The following FGF1 variants were observed in gnomAD, a reference collection of about 807,000 sequenced individuals.
FGF1 encodes the protein beta-endothelial cell growth factor.
FGF1 carries 9 observed loss-of-function variants against 13.4 expected under a neutral mutation model. The observed-to-expected ratio is 0.67, with a 90% CI of 0.40 to 1.17. The LOEUF (loss-of-function observed/expected upper bound fraction) is 1.17. Among genes scored for constraint, FGF1 ranks in the 50% most tolerant of loss-of-function variants. The probability of loss-of-function intolerance (pLI) is 0.01; values close to 1 mark genes in which losing one functional copy is unlikely to be tolerated. For synonymous variants in FGF1, 93 were observed against 79.0 expected (o/e 1.18, Z -0.94); for missense variants, 156 against 192.7 (o/e 0.81, Z 1.13).
At chr5:142,691,866 TG>T (rs1381912205) in intron 2 of FGF1, among the ~76,000 whole-genome samples, 1 of 152,236 alleles carries the variant, frequency 6.6e-6, no homozygotes, top group Non-Finnish European at 1.5e-5. Flanking sequence ...ACATAGGATC[TG>T]CCACCTTCTT....
intron 1 of FGF1, among the ~76,000 whole-genome samples, chr5:142,661,813 C>A (rs1769281602): frequency 6.6e-6 from 1 of 152,082 alleles, no homozygotes; most frequent in African/African-American, 2.4e-5. Context: ...ACCATCCTGG[C>A]TAACACGATG....
chr5:142,670,785 C>T (rs995950578), intron 1 of FGF1, among the ~76,000 whole-genome samples: 11 of 152,202 alleles, frequency 7.2e-5, no homozygotes, highest in African/African-American at 1.9e-4. Flanking sequence ...ATTAATGTCT[C>T]GGCCCGATGT....
intron 1 of FGF1, among the ~76,000 whole-genome samples, chr5:142,645,272 G>A (rs757292904): frequency 6.6e-6 from 1 of 152,228 alleles, no homozygotes; most frequent in Non-Finnish European, 1.5e-5. Flanking sequence ...AGCCCTGGCA[G>A]ACGGCTCAGT....
chr5:142,616,231 G>T (rs1760205185), intron 1 of FGF1, among the ~76,000 whole-genome samples: 1 of 152,158 alleles, frequency 6.6e-6, no homozygotes, highest in South Asian at 2.1e-4. Flanking sequence ...GCCTCCATCT[G>T]TTTTCTCTGC....
chr5:142,627,195 T>G (rs1374452965), intron 1 of FGF1: 1 of 152,214 alleles, frequency 6.6e-6, no homozygotes, highest in Non-Finnish European at 1.5e-5. Flanking sequence ...TCTGGATAGC[T>G]GTTGTGTAGA....
At chr5:142,675,174 C>G (rs1046443609) in intron 1 of FGF1, among the ~76,000 whole-genome samples, 6 of 152,170 alleles carry the variant, frequency 3.9e-5, no homozygotes, top group African/African-American at 1.4e-4. Flanking sequence ...ACCCTCAGAC[C>G]TCAGTGGGAG....
intron 3 of FGF1, among the ~76,000 whole-genome samples, chr5:142,597,345 C>A (rs1755497426): frequency 6.6e-6 from 1 of 152,142 alleles, no homozygotes; most frequent in South Asian, 2.1e-4. Flanking sequence ...TTAGGAGTAA[C>A]CTATATGTCC....
intron 2 of FGF1, among the ~76,000 whole-genome samples, chr5:142,608,635 T>G (rs1758350928): frequency 7.1e-6 from 1 of 141,394 alleles, no homozygotes; most frequent in African/African-American, 2.6e-5. Flanking sequence ...AACCTTATCT[T>G]AAAAGGTGTC....
chr5:142,693,714 C>A (rs1752609839), intron 2 of FGF1, among the ~76,000 whole-genome samples: 1 of 152,174 alleles, frequency 6.6e-6, no homozygotes, highest in Non-Finnish European at 1.5e-5. Flanking sequence ...CAGGCCTAAG[C>A]AACCACTCAT....
intron 2 of FGF1, 42 bp from the exon 3 acceptor site, chr5:142,600,847 G>A (rs1310265744): frequency 5.5e-6 from 8 of 1,465,756 alleles, no homozygotes; most frequent in African/African-American, 4.2e-5. Flanking sequence ...TAAACACTAC[G>A]CTTTTGCCGA....
intron 1 of FGF1, among the ~76,000 whole-genome samples, chr5:142,662,870 C>CTGGA (rs1422119774): frequency 6.6e-6 from 1 of 152,104 alleles, no homozygotes; most frequent in South Asian, 2.1e-4. Flanking sequence ...CCTCACCAGG[C>CTGGA]TGGAGTGCAG....
intron 1 of FGF1, among the ~76,000 whole-genome samples, chr5:142,665,831 A>T (rs73284577): frequency 0.057 from 8,631 of 152,138 alleles, 359 homozygotes; most frequent in Middle Eastern, 0.15. Flanking sequence ...TCCTTTGGGG[A>T]GGCTGGAGAG....
At chr5:142,605,815 G>A (rs917729817) in intron 2 of FGF1, among the ~76,000 whole-genome samples, 6 of 152,260 alleles carry the variant, frequency 3.9e-5, no homozygotes, top group Admixed American at 2.6e-4. Flanking sequence ...TGAGCGGCTT[G>A]TGTAGCTGGC....
At chr5:142,667,945 A>T (rs780445938) in intron 1 of FGF1, among the ~76,000 whole-genome samples, 24 of 152,192 alleles carry the variant, frequency 1.6e-4, no homozygotes, top group Non-Finnish European at 3.4e-4. Context: ...TTGGGATGCC[A>T]CAGCGGTCTT....
upstream of FGF1, among the ~76,000 whole-genome samples, chr5:142,689,262 G>A (rs948234158): frequency 1.3e-5 from 2 of 152,062 alleles, no homozygotes; most frequent in Non-Finnish European, 1.5e-5. Context: ...ATCAGCTGAC[G>A]GGAGAAATTG....
chr5:142,631,529 C>T (rs367658136), intron 1 of FGF1, among the ~76,000 whole-genome samples: 11 of 152,150 alleles, frequency 7.2e-5, no homozygotes, highest in Non-Finnish European at 7.3e-5. Flanking sequence ...AAATTATTTC[C>T]CCACTGGCTG....
intron 1 of FGF1, among the ~76,000 whole-genome samples, chr5:142,663,806 G>A (rs1296757802): frequency 6.6e-6 from 1 of 152,224 alleles, no homozygotes; most frequent in Non-Finnish European, 1.5e-5. Flanking sequence ...GAGCTAGGAA[G>A]TGGTTAAGAC....
In FGF1 at chr5:142,655,323, G is replaced by A. The variant is rs112985117; in HGVS notation, c.-35+30634C>T. On this transcript the variant is annotated intron_variant, in intron 1 of 3. Coordinates refer to ENST00000337706, the MANE Select transcript of FGF1 (RefSeq NM_000800.5). ...AGTGAAGCGGCCCTTCCCTCATCTCGTCCACCATTGAGACCTGCTCCCAGC... is the reference window on the plus strand; with the variant it reads ...AGTGAAGCGGCCCTTCCCTCATCTCATCCACCATTGAGACCTGCTCCCAGC... 5.4e-3 allele frequency among the ~76,000 whole-genome samples: 821 copies of A among 152,104 alleles called. 6 individuals are homozygous for A. Among genetic ancestry groups the A allele is most frequent in the African/African-American group, 0.018 (741 of 41,458 alleles).
At chr5:142,647,609 CT>C (rs1766404660) in intron 1 of FGF1, among the ~76,000 whole-genome samples, 2 of 152,282 alleles carry the variant, frequency 1.3e-5, no homozygotes, top group African/African-American at 4.8e-5. Flanking sequence ...AATCTAAATA[CT>C]AAATTCATTT....
Sources: gnomAD v4.1 joint callset for allele counts (sites outside exome capture counted in the v4.1 genomes callset) on GRCh38, gnomAD v4.1.1 for gene constraint, MANE v1.5 for transcripts, NCBI Gene and HGNC (gene_info 2026-07-23, HGNC 2026-07-21) for gene names.